The following ERBIN variants were observed in gnomAD, a reference collection of about 807,000 sequenced individuals.
ERBIN encodes erbb2 interacting protein.
ERBIN carries 60 observed loss-of-function variants against 158.4 expected under a neutral mutation model. The observed-to-expected ratio is 0.38, with a 90% confidence interval of 0.31 to 0.47. The LOEUF is 0.47. Ranked by LOEUF, ERBIN falls within the 20% of genes least tolerant of loss-of-function variation. The pLI, the probability that ERBIN is intolerant of heterozygous loss-of-function variation, is 0.99. For synonymous variants in ERBIN, 594 were observed against 557.2 expected (o/e 1.07, Z -0.93); for missense variants, 1,610 against 1,648.0 (o/e 0.98, Z 0.40).
In ERBIN at chr5:66,078,585, C is replaced by G. The variant is rs1038608965; in HGVS notation, c.*55C>G. The G allele has an allele frequency of 1.8e-5, 18 of 1,003,492 alleles. No individual in the cohort carries two copies. In the Admixed American group the frequency reaches 3.4e-4, roughly 19 times the overall value. The allele number at this position is 1,003,492 out of a possible 1,614,324, so 62.2% of individuals were successfully genotyped here. ...AGCAAGATTTATTGGAAGATACTTA[C>G]AGGGGAAATTAATATTTTGACTATT... On this transcript the variant is annotated 3_prime_UTR_variant, in exon 26 of 26. Transcript: ENST00000284037.
chr5:65,940,400 C>T (rs1744735933), intron 1 of ERBIN, among the ~76,000 whole-genome samples: 4 of 143,632 alleles, frequency 2.8e-5, no homozygotes, highest in Admixed American at 1.3e-4. Context: ...GCAGCCACCT[C>T]GTCCGGGAGG....
chr5:66,020,917 C>G (rs775868122), intron 7 of ERBIN, among the ~76,000 whole-genome samples: 4 of 151,806 alleles, frequency 2.6e-5, no homozygotes, highest in Non-Finnish European at 5.9e-5. Context: ...TAAAGTCTTA[C>G]AAATATATGA....
At chr5:66,066,113 A>G (rs1561450324) in intron 21 of ERBIN, among the ~76,000 whole-genome samples, 1 of 152,146 alleles carries the variant, frequency 6.6e-6, no homozygotes, top group Non-Finnish European at 1.5e-5. Context: ...TCCCTGTTTT[A>G]TTTATATAAC....
intron 9 of ERBIN, among the ~76,000 whole-genome samples, chr5:66,023,814 TA>T (rs1244239858): frequency 6.6e-6 from 1 of 152,036 alleles, no homozygotes; most frequent in African/African-American, 2.4e-5. Flanking sequence ...TAGCTGGGAC[TA>T]CAGGTGACCA....
rs1294132138 is a variant in ERBIN at position 66,013,649 on chromosome 5, G to T, written c.476+11G>T. ...AGCAAATTTTGGCAGGTAAATTATG[G>T]TTTCTTCTAAAACGTTTTATTATTA... is the stretch of plus-strand genomic sequence containing the variant. On this transcript the variant is annotated intron_variant, in intron 6 of 25. Transcript: ENST00000284037. 1.3e-6 allele frequency: 2 copies of T among 1,585,136 alleles called. No homozygotes were observed. Among genetic ancestry groups the T allele is most frequent in the Admixed American group, 1.7e-5 (1 of 59,862 alleles).
chr5:66,052,959 T>C (rs1324665118), intron 20 of ERBIN, among the ~76,000 whole-genome samples: 2 of 152,198 alleles, frequency 1.3e-5, no homozygotes, highest in East Asian at 1.9e-4. Context: ...TGGTTAATAA[T>C]GTAAGGCTTC....
intron 7 of ERBIN, among the ~76,000 whole-genome samples, chr5:66,017,281 A>C (rs536722831): frequency 3.3e-5 from 5 of 152,114 alleles, no homozygotes. Flanking sequence ...ACTGTTCTCC[A>C]TAGTGGCTAT....
chr5:66,044,269 C>T lies in ERBIN; in HGVS notation c.1561C>T (p.His521Tyr). The T allele has an allele frequency of 6.2e-7, 1 of 1,607,970 alleles. No homozygotes were observed. The highest frequency in any genetic ancestry group is 8.5e-7 in the Non-Finnish European group (1 of 1,178,288). Residue 521 changes from histidine to tyrosine, a missense_variant, in exon 17 of 26, where the codon CAT (histidine) becomes TAT (tyrosine). By Grantham distance (83) the His-to-Tyr change is moderately conservative. Transcript: ENST00000284037. Reference sequence around the variant, plus strand: ...AGACTCAGGAAGAGATTTGAAACCACATGAAGATCAACAAGATATAAATAA... The same window carrying T: ...AGACTCAGGAAGAGATTTGAAACCATATGAAGATCAACAAGATATAAATAA... ...NEDSGRDLKPHEDQQDINKDV... is the reference protein window; with the variant it reads ...NEDSGRDLKPYEDQQDINKDV...
chr5:66,029,966 A>G (rs1282156724), intron 14 of ERBIN, among the ~76,000 whole-genome samples: 1 of 152,170 alleles, frequency 6.6e-6, no homozygotes, highest in African/African-American at 2.4e-5. Flanking sequence ...GGTTATGAAT[A>G]AGACATTATT....
chr5:66,026,112 G>A, intron 12 of ERBIN, 135 bp downstream of exon 12: 1 of 843,370 alleles, frequency 1.2e-6, no homozygotes, highest in Non-Finnish European at 1.7e-6. Context: ...TGAATAATTA[G>A]CTATGTTAAT....
intron 6 of ERBIN, 112 bp downstream of exon 6, chr5:66,013,750 T>G: frequency 3.2e-6 from 2 of 632,840 alleles, no homozygotes; most frequent in Non-Finnish European, 5.4e-6. Context: ...TCTTTTTAAA[T>G]TATTCCCAAG....
rs868575228 is a variant in ERBIN, at chr5:65,983,771, T to G, written c.-57-4864T>G. ...CAGCCTTGCCATGGCCTCCAAAGCTTCTCCGCATCTCAGGGCACCCCCCCC... is the reference window on the plus strand; with the variant it reads ...CAGCCTTGCCATGGCCTCCAAAGCTGCTCCGCATCTCAGGGCACCCCCCCC... On this transcript the variant is annotated intron_variant, in intron 1 of 25. Transcript: ENST00000284037. Among the ~76,000 whole-genome samples the G allele has an allele frequency of 5.3e-5, 8 of 152,230 alleles. No homozygotes were observed. The South Asian group carries it at 1.0e-3, about 20-fold the overall frequency.
At chr5:65,930,942 T>G (rs1743292807) in intron 1 of ERBIN, among the ~76,000 whole-genome samples, 1 of 152,252 alleles carries the variant, frequency 6.6e-6, no homozygotes, top group Non-Finnish European at 1.5e-5. Flanking sequence ...CTTCAAATTT[T>G]GTTCCAGACA....
At position 65,931,801 on chromosome 5, in the gene ERBIN, AT is replaced by A. The variant is rs1451567273; in HGVS notation, c.-58+4999del. Among the ~76,000 whole-genome samples, 5 of 143,418 alleles carry A rather than the reference AT, an allele frequency of 3.5e-5. No individual in the cohort carries two copies. The South Asian group carries it at 1.1e-3, about 32-fold the overall frequency. 94.1% of individuals were successfully genotyped at this position (143,418 alleles called of 152,430 possible). On this transcript the variant is annotated intron_variant, in intron 1 of 25. Transcript: ENST00000284037. Reference sequence around the variant, plus strand: ...GTATTTGGTTGGAAAAGGGAGGAAGATTTTCTTTCTTTTCTTTCTTTTTTTT... The same window carrying A: ...GTATTTGGTTGGAAAAGGGAGGAAGATTTCTTTCTTTTCTTTCTTTTTTTT...
intron 1 of ERBIN, among the ~76,000 whole-genome samples, chr5:65,955,425 T>C (rs1746989770): frequency 6.6e-6 from 1 of 151,396 alleles, no homozygotes; most frequent in South Asian, 2.1e-4. Context: ...AGGTCAGGAG[T>C]TCAAGACCAG....
At chr5:66,032,526 T>A (rs1756991524) in intron 14 of ERBIN, among the ~76,000 whole-genome samples, 1 of 152,192 alleles carries the variant, frequency 6.6e-6, no homozygotes, top group Admixed American at 6.5e-5. Context: ...ATATCTGCCA[T>A]CAGTATAAAA....
chr5:66,011,021 C>T (rs529583806), intron 4 of ERBIN, among the ~76,000 whole-genome samples: 1 of 152,154 alleles, frequency 6.6e-6, no homozygotes, highest in Non-Finnish European at 1.5e-5. Context: ...AAACCATAAT[C>T]CTTTATCTCA....
rs1265076944 is a variant in ERBIN, at chr5:66,028,257, G to T, written c.1137-17G>T. On this transcript the variant is annotated splice_polypyrimidine_tract_variant and intron_variant, in intron 13 of 25. Coordinates refer to ENST00000284037, the MANE Select transcript of ERBIN (RefSeq NM_001253697.2). Reference sequence around the variant, plus strand: ...TCATTTTAAAGTTTAATTTTTGTTTGTATTTTTTTCCTACAGATTAAAGAA... The same window carrying T: ...TCATTTTAAAGTTTAATTTTTGTTTTTATTTTTTTCCTACAGATTAAAGAA... The T allele has an allele frequency of 3.8e-6, 6 of 1,578,218 alleles. No homozygotes were observed. Among genetic ancestry groups the T allele is most frequent in the East Asian group, 2.3e-5 (1 of 43,878 alleles).
rs1010840291 is a variant in ERBIN, at chr5:65,977,788, C to T, written c.-57-10847C>T. On this transcript the variant is annotated intron_variant, in intron 1 of 25. Transcript: ENST00000284037. Reference sequence around the variant, plus strand: ...GGCAGAGGCTGCAATCTCGGCACTTCGGGAGGCCAAGGCAGGCGGCTGGGA... The same window carrying T: ...GGCAGAGGCTGCAATCTCGGCACTTTGGGAGGCCAAGGCAGGCGGCTGGGA... Among the ~76,000 whole-genome samples, 510 of 151,648 alleles carry T rather than the reference C, an allele frequency of 3.4e-3. 4 individuals are homozygous for T. The highest frequency in any genetic ancestry group is 0.012 in the African/African-American group (482 of 41,256).
Sources: allele counts gnomAD v4.1 joint callset (sites outside exome capture counted in the v4.1 genomes callset), GRCh38; gene constraint gnomAD v4.1.1; transcripts MANE v1.5; gene names NCBI Gene and HGNC (gene_info 2026-07-23, HGNC 2026-07-21).